Variants in ASIC2 observed in about 807,000 individuals in gnomAD.
ASIC2 encodes acid-sensing ion channel 2.
ASIC2 carries 25 observed loss-of-function variants against 57.3 expected under a neutral mutation model. The observed-to-expected ratio is 0.44, with a 90% confidence interval of 0.32 to 0.61. The LOEUF (loss-of-function observed/expected upper bound fraction) is 0.61, where lower values mean the gene tolerates loss of function less well. Among genes scored for constraint, ASIC2 ranks in the 20% least tolerant of loss-of-function variants. The pLI is 0.06. For synonymous variants in ASIC2, 319 were observed against 307.5 expected (o/e 1.04, Z -0.39); for missense variants, 641 against 738.1 (o/e 0.87, Z 1.52).
Position 33,536,514 on chromosome 17 carries a change from A to G in ASIC2, c.556-424447T>C, listed in dbSNP as rs150348752. ...TGCTCCCAACAGAGCAGATTGTTAA[A>G]TGCCTACCGACACATCCACTGAATA... On this transcript the variant is annotated intron_variant, in intron 1 of 9. Transcript: ENST00000359872. Among the ~76,000 whole-genome samples the G allele has an allele frequency of 1.8e-3, 271 of 152,340 alleles. 1 individual carries two copies. Among genetic ancestry groups the G allele is most frequent in the African/African-American group, 6.2e-3 (258 of 41,584 alleles).
intron 1 of ASIC2, among the ~76,000 whole-genome samples, chr17:33,842,710 G>C (rs1390656280): frequency 1.3e-5 from 2 of 152,196 alleles, no homozygotes; most frequent in Admixed American, 6.5e-5. Flanking sequence ...GATATATTTA[G>C]AGGGATATTG....
chr17:33,755,711 T>G (rs1171709261), intron 1 of ASIC2, among the ~76,000 whole-genome samples: 1 of 152,146 alleles, frequency 6.6e-6, no homozygotes, highest in African/African-American at 2.4e-5. Context: ...GAGGCAGTCA[T>G]GTAATGAAGA....
intron 1 of ASIC2, among the ~76,000 whole-genome samples, chr17:33,386,943 G>GGT (rs144544453): frequency 4.0e-5 from 6 of 151,566 alleles, no homozygotes; most frequent in South Asian, 2.1e-4. Flanking sequence ...AATTCTTTGG[G>GGT]GTGTGTGTGT....
At chr17:33,931,364 A>G (rs527396780) in intron 1 of ASIC2, 2 of 152,306 alleles carry the variant, frequency 1.3e-5, no homozygotes, top group South Asian at 2.1e-4. Flanking sequence ...GCTTTTCCAT[A>G]CAATGTCTGG....
At chr17:33,765,310 G>T (rs566459093) in intron 1 of ASIC2, among the ~76,000 whole-genome samples, 1 of 151,926 alleles carries the variant, frequency 6.6e-6, no homozygotes, top group Non-Finnish European at 1.5e-5. Context: ...GGGTTTCACC[G>T]TATTAGCCAG....
chr17:33,273,818 C>T (rs547247472), intron 1 of ASIC2, among the ~76,000 whole-genome samples: 8 of 149,932 alleles, frequency 5.3e-5, no homozygotes, highest in South Asian at 4.2e-4. Context: ...GTTGGGGGGC[C>T]GGAGAGGGGC....
At chr17:34,123,856 C>T (rs1911697334) in intron 1 of ASIC2, among the ~76,000 whole-genome samples, 1 of 152,104 alleles carries the variant, frequency 6.6e-6, no homozygotes, top group Non-Finnish European at 1.5e-5. Flanking sequence ...TTGAGGTGGG[C>T]AGATCACTTG....
chr17:33,436,225 C>T (rs1181011887), intron 1 of ASIC2, among the ~76,000 whole-genome samples: 1 of 152,214 alleles, frequency 6.6e-6, no homozygotes, highest in Non-Finnish European at 1.5e-5. Flanking sequence ...TGTTTGGACA[C>T]TGAAACTGCC....
intron 1 of ASIC2, among the ~76,000 whole-genome samples, chr17:33,339,351 T>C (rs1231714911): frequency 6.6e-6 from 1 of 152,168 alleles, no homozygotes; most frequent in East Asian, 1.9e-4. Context: ...GATCCATATG[T>C]TCTACTCAAC....
At chr17:33,206,935 G>A (rs1217858092) in intron 1 of ASIC2, among the ~76,000 whole-genome samples, 5 of 152,122 alleles carry the variant, frequency 3.3e-5, no homozygotes, top group African/African-American at 1.2e-4. Context: ...GGAGCCATAG[G>A]ATCCTCCTTC....
chr17:33,702,019 C>G (rs940481679), intron 1 of ASIC2, among the ~76,000 whole-genome samples: 1 of 152,164 alleles, frequency 6.6e-6, no homozygotes. Context: ...TGGGGAAGGT[C>G]TCACTTTGGC....
intron 1 of ASIC2, among the ~76,000 whole-genome samples, chr17:34,077,095 G>A (rs1268094790): frequency 6.6e-6 from 1 of 152,234 alleles, no homozygotes; most frequent in Non-Finnish European, 1.5e-5. Context: ...GAGTAAGGGA[G>A]TACCTGGGAT....
At chr17:33,578,472 C>G (rs1376952650) in intron 1 of ASIC2, among the ~76,000 whole-genome samples, 1 of 152,010 alleles carries the variant, frequency 6.6e-6, no homozygotes, top group Non-Finnish European at 1.5e-5. Flanking sequence ...AAAGACTGAA[C>G]AAAGTAAAAT....
chr17:34,032,222 A>G (rs12451655), intron 1 of ASIC2, among the ~76,000 whole-genome samples: 18,774 of 152,134 alleles, frequency 0.12, 1,213 homozygotes, highest in South Asian at 0.19. Flanking sequence ...ATTCTTAAAG[A>G]AAAGAATTTT....
chr17:34,141,357 A>C (rs188270451), intron 1 of ASIC2, among the ~76,000 whole-genome samples: 20 of 152,308 alleles, frequency 1.3e-4, no homozygotes, highest in African/African-American at 4.6e-4. Flanking sequence ...CTAGTTTTGC[A>C]ACACCTATAT....
chr17:33,453,466 A>AT (rs1367456091), intron 1 of ASIC2, among the ~76,000 whole-genome samples: 2 of 152,280 alleles, frequency 1.3e-5, no homozygotes, highest in Non-Finnish European at 2.9e-5. Flanking sequence ...CAGGGAGGCC[A>AT]TGAAGGGATG....
At chr17:33,020,033 C>G (rs1007818851) in intron 7 of ASIC2, among the ~76,000 whole-genome samples, 2 of 152,034 alleles carry the variant, frequency 1.3e-5, no homozygotes, top group Non-Finnish European at 2.9e-5. Flanking sequence ...GAATGAGTCT[C>G]TTGGCTCAGT....
At chr17:33,377,109 G>GGCTT (rs1304065167) in intron 1 of ASIC2, among the ~76,000 whole-genome samples, 4 of 152,128 alleles carry the variant, frequency 2.6e-5, no homozygotes, top group Non-Finnish European at 1.5e-5. Context: ...GGAGTGCAGT[G>GGCTT]GCTTGATGTC....
At chr17:33,170,719 G>A (rs922126306) in intron 1 of ASIC2, among the ~76,000 whole-genome samples, 1 of 152,154 alleles carries the variant, frequency 6.6e-6, no homozygotes, top group African/African-American at 2.4e-5. Flanking sequence ...TTCATCAAGG[G>A]CTTCAAAGAT....
Sources: allele counts gnomAD v4.1 joint callset (sites outside exome capture counted in the v4.1 genomes callset), GRCh38; gene constraint gnomAD v4.1.1; transcripts MANE v1.5; gene names NCBI Gene and HGNC (gene_info 2026-07-23, HGNC 2026-07-21).